CCND3: variants seen among roughly 807,000 people sequenced by gnomAD.
CCND3 encodes the protein G1/S-specific cyclin-D3.
Under a neutral mutation model 28.7 loss-of-function variants are expected in CCND3, and 9 were observed. That is an observed-to-expected ratio of 0.31 (90% CI 0.19 to 0.55). The LOEUF is 0.55. Among genes scored for constraint, CCND3 ranks in the 20% least tolerant of loss-of-function variants. CCND3 has a pLI of 0.93. For missense variants in CCND3, 315 were observed against 385.8 expected (o/e 0.82, Z 1.54); for synonymous variants, 164 against 163.9 (o/e 1.00, Z 0.00).
chr6:42,014,879 A>G (rs912816605), intron 1 of CCND3, among the ~76,000 whole-genome samples: 3 of 152,200 alleles, frequency 2.0e-5, no homozygotes, highest in Non-Finnish European at 2.9e-5. Context: ...ATAAGCAAGT[A>G]TTTCCAACAT....
chr6:41,952,259 C>G (rs1776335701), intron 1 of CCND3, among the ~76,000 whole-genome samples: 1 of 152,190 alleles, frequency 6.6e-6, no homozygotes, highest in Non-Finnish European at 1.5e-5. Flanking sequence ...AGAAGCAGAC[C>G]TTGAGACAAG....
chr6:42,021,434 G>A (rs1763710642), intron 1 of CCND3, among the ~76,000 whole-genome samples: 1 of 152,148 alleles, frequency 6.6e-6, no homozygotes, highest in Non-Finnish European at 1.5e-5. Flanking sequence ...AACACGGACG[G>A]GCCCAAAGGC....
At chr6:41,994,619 A>G (rs774054813) in intron 1 of CCND3, among the ~76,000 whole-genome samples, 6 of 152,202 alleles carry the variant, frequency 3.9e-5, no homozygotes, top group Non-Finnish European at 7.3e-5. Flanking sequence ...CTGGTCTTTC[A>G]GTGATAATAT....
chr6:41,999,837 G>A (rs1156490453), intron 1 of CCND3, among the ~76,000 whole-genome samples: 1 of 152,152 alleles, frequency 6.6e-6, no homozygotes, highest in Non-Finnish European at 1.5e-5. Flanking sequence ...TTTGCAGTGA[G>A]CTATGATCGT....
Position 41,938,210 on chromosome 6 carries a change from G to A in CCND3, c.415-816C>T, listed in dbSNP as rs1775871854. The A allele has an allele frequency of 6.6e-6, 1 of 152,236 alleles. No homozygotes were observed. The allele number at this position is 152,236 out of a possible 1,614,324, so 9.4% of individuals were successfully genotyped here. A position where few individuals can be genotyped will look rare whatever the true frequency, so the allele number is the denominator to read the frequency against. On this transcript the variant is annotated intron_variant, in intron 2 of 4. Coordinates refer to ENST00000372991, the MANE Select transcript of CCND3 (RefSeq NM_001760.5). This position sits in a 1 kb window ranked among gnomAD's most constrained non-coding sequence, Gnocchi z 4.6. ...GGAGAAGGCTGGGAGCTCCACCCCA[G>A]TCCACTCGTCATGGGTTCCCAGACC...
Position 41,940,425 on chromosome 6 carries a change from G to A in CCND3, c.359C>T (p.Thr120Ile). The change falls in exon 2 of 5, where the codon ACC becomes ATC. Residue 120 changes from threonine to isoleucine, a missense_variant. Thr to Ile is a moderately conservative substitution (Grantham distance 89). Coordinates refer to ENST00000372991, the MANE Select transcript of CCND3 (RefSeq NM_001760.5). Reference protein sequence around the residue: ...ASKLRETTPLTIEKLCIYTDH... With the variant: ...ASKLRETTPLIIEKLCIYTDH... ...GGTGTAGATGCACAGTTTTTCGATG[G>A]TCAGGGGCGTGGTCTCGCGCAGCTT... 6.2e-7 allele frequency: 1 copy of A among 1,613,910 alleles called. No individual in the cohort carries two copies. The highest frequency in any genetic ancestry group is 8.5e-7 in the Non-Finnish European group (1 of 1,179,974).
chr6:41,975,267 G>A (rs762092393), intron 1 of CCND3, among the ~76,000 whole-genome samples: 8 of 152,098 alleles, frequency 5.3e-5, no homozygotes, highest in Non-Finnish European at 7.3e-5. Flanking sequence ...TGTGAGCTTC[G>A]AGTTGGAGAA....
chr6:41,940,652 G>T, intron 1 of CCND3, 67 bp from the exon 2 acceptor site: 1 of 1,126,126 alleles, frequency 8.9e-7, no homozygotes, highest in Non-Finnish European at 1.3e-6. Flanking sequence ...GGGGGTGGGA[G>T]CGCTGAAGTG....
rs888860257 is a variant in CCND3 at position 41,941,268 on chromosome 6, G to A, written c.198+184C>T. 1 of 1,437,996 alleles carries A rather than the reference G, an allele frequency of 7.0e-7. No homozygotes were observed. Among genetic ancestry groups the A allele is most frequent in the African/African-American group, 1.4e-5 (1 of 69,694 alleles). The allele number at this position is 1,437,996 out of a possible 1,614,324, so 89.1% of individuals were successfully genotyped here. ...CTGGCAGTCACTGTCGGGAGGAGCC[G>A]ATTAGGGCTCGGGAAAGCAAGGGAG... is the stretch of plus-strand genomic sequence containing the variant. On this transcript the variant is annotated intron_variant, in intron 1 of 4. Coordinates refer to ENST00000372991, the MANE Select transcript of CCND3 (RefSeq NM_001760.5). The surrounding 1 kb of genome is among the most constrained non-coding windows in gnomAD (Gnocchi z 6.1).
intron 1 of CCND3, among the ~76,000 whole-genome samples, chr6:41,974,403 G>A (rs1002968491): frequency 3.3e-5 from 5 of 152,122 alleles, no homozygotes; most frequent in Non-Finnish European, 7.4e-5. Flanking sequence ...CTGGCAGGGG[G>A]TATCATCATC....
At chr6:41,980,563 A>T (rs892908185) in intron 1 of CCND3, among the ~76,000 whole-genome samples, 1 of 152,200 alleles carries the variant, frequency 6.6e-6, no homozygotes, top group Non-Finnish European at 1.5e-5. Context: ...TAATATCAAC[A>T]GCAGACACAA....
intron 1 of CCND3, among the ~76,000 whole-genome samples, chr6:41,973,873 A>G (rs1173103932): frequency 1.3e-5 from 2 of 152,208 alleles, no homozygotes; most frequent in African/African-American, 2.4e-5. Flanking sequence ...GAGATAACAC[A>G]TGTAAAACCC....
intron 1 of CCND3, among the ~76,000 whole-genome samples, chr6:42,022,103 C>G (rs1763728089): frequency 6.6e-6 from 1 of 152,176 alleles, no homozygotes; most frequent in African/African-American, 2.4e-5. Flanking sequence ...TGAGATGAGA[C>G]AGTATGATCT....
chr6:42,044,783 T>TTTTTTTTATTTATTTA (rs1764482231), intron 1 of CCND3, among the ~76,000 whole-genome samples: 1 of 143,032 alleles, frequency 7.0e-6, no homozygotes, highest in African/African-American at 2.6e-5. Context: ...CTTTCTTTCC[T>TTTTTTTTATTTATTTA]TTTATTTATT....
chr6:42,021,612 G>A (rs1763715524), intron 1 of CCND3, among the ~76,000 whole-genome samples: 3 of 152,190 alleles, frequency 2.0e-5, no homozygotes, highest in African/African-American at 7.2e-5. Flanking sequence ...CAGGGTATGT[G>A]GGAGGAGGAA....
rs949517579 is a variant in CCND3, at chr6:41,939,318, A to G, written c.414+1052T>C. On this transcript the variant is annotated intron_variant, in intron 2 of 4. Coordinates refer to ENST00000372991, the MANE Select transcript of CCND3 (RefSeq NM_001760.5). This position sits in a 1 kb window ranked among gnomAD's most constrained non-coding sequence, Gnocchi z 4.2. ...CCTCCCTGGGAGATGGGGCCCAGAG[A>G]CTCCTCTCAGGGTCAGCAGAAGACT... Among the ~76,000 whole-genome samples, 1 of 151,020 alleles carries G rather than the reference A, an allele frequency of 6.6e-6. No homozygotes were observed. Among genetic ancestry groups the G allele is most frequent in the Non-Finnish European group, 1.5e-5 (1 of 67,698 alleles).
chr6:41,944,957 G>T (rs562270565), upstream of CCND3, among the ~76,000 whole-genome samples: 37 of 152,208 alleles, frequency 2.4e-4, 1 homozygote, highest in Non-Finnish European at 1.0e-4. Flanking sequence ...ACCAGCACAA[G>T]TTCACCAGTT....
intron 1 of CCND3, among the ~76,000 whole-genome samples, chr6:42,003,184 AT>A (rs1763065785): frequency 1.4e-5 from 2 of 147,944 alleles, no homozygotes; most frequent in Admixed American, 1.4e-4. Flanking sequence ...AAAGAGAAAT[AT>A]TCAAAATTGA....
At chr6:41,978,651 G>A (rs545213201) in intron 1 of CCND3, among the ~76,000 whole-genome samples, 3 of 152,264 alleles carry the variant, frequency 2.0e-5, no homozygotes, top group Admixed American at 2.0e-4. Flanking sequence ...TGGTGCTGAT[G>A]TGTTCTATCT....
Sources: allele counts gnomAD v4.1 joint callset (sites outside exome capture counted in the v4.1 genomes callset), GRCh38; gene constraint gnomAD v4.1.1; non-coding constraint Gnocchi (gnomAD v3.1); transcripts MANE v1.5; gene names NCBI Gene and HGNC (gene_info 2026-07-23, HGNC 2026-07-21).